Variants in ZNF75A observed in about 807,000 individuals in gnomAD.
ZNF75A encodes zinc finger protein 75A.
Under a neutral mutation model 46.3 loss-of-function variants are expected in ZNF75A, and 36 were observed. The observed-to-expected ratio is 0.78, with a 90% CI of 0.60 to 1.03. The LOEUF (loss-of-function observed/expected upper bound fraction) is 1.03. Among genes scored for constraint, ZNF75A ranks in the 50% least tolerant of loss-of-function variants. The probability of loss-of-function intolerance (pLI) is 0.00; values close to 1 mark genes in which losing one functional copy is unlikely to be tolerated. For synonymous variants in ZNF75A, 234 were observed against 189.9 expected, an observed-to-expected ratio of 1.23 and a Z score of -1.91; for missense variants, 595 against 551.3, an observed-to-expected ratio of 1.08 and a Z score of -0.79.
intron 5 of ZNF75A, among the ~76,000 whole-genome samples, chr16:3,314,011 T>C (rs1961006166): frequency 6.6e-6 from 1 of 152,160 alleles, no homozygotes; most frequent in African/African-American, 2.4e-5. Context: ...ATTGAGTACA[T>C]CTAAGTTTTG....
intron 1 of ZNF75A, chr16:3,307,925 G>A (rs190201498): frequency 1.7e-4 from 26 of 152,254 alleles, no homozygotes; most frequent in Admixed American, 1.2e-3. Flanking sequence ...GGGATGATCT[G>A]TTGAAATTTA....
In ZNF75A at chr16:3,318,427, A is replaced by G. The variant is rs894425169; in HGVS notation, c.*558A>G. The G allele has an allele frequency of 1.2e-5, 12 of 986,358 alleles. No individual in the cohort carries two copies. The highest frequency in any genetic ancestry group is 1.4e-5 in the Non-Finnish European group (12 of 830,738). The allele number at this position is 986,358 out of a possible 1,614,324, so 61.1% of individuals were successfully genotyped here. On this transcript the variant is annotated 3_prime_UTR_variant, in exon 7 of 7. Transcript: ENST00000669516. ...TAGGGAATCTCCAGATGAACTATTA[A>G]TGCACTGTCTTATGCCTCTCATTGG...
intron 1 of ZNF75A, chr16:3,306,356 A>G (rs894861474): frequency 6.6e-6 from 1 of 152,220 alleles, no homozygotes; most frequent in Admixed American, 6.5e-5. Flanking sequence ...ATCCTTTTTT[A>G]CAAGTTGATA....
Position 3,318,492 on chromosome 16 carries a change from G to T in ZNF75A, c.*623G>T. On this transcript the variant is annotated 3_prime_UTR_variant, in exon 7 of 7. Transcript: ENST00000669516. The stretch of plus-strand genomic sequence containing the variant: ...TAGAAGACATCTCTAATGGAATCAT[G>T]GGGGAAACGGGTTGGAATTTGTAGC... 2 of 985,354 alleles carry T rather than the reference G, an allele frequency of 2.0e-6. No individual in the cohort carries two copies. Among genetic ancestry groups the T allele is most frequent in the South Asian group, 4.7e-5 (1 of 21,284 alleles). 61.0% of individuals were successfully genotyped at this position (985,354 alleles called of 1,614,324 possible).
At chr16:3,311,686 C>G in intron 2 of ZNF75A, 67 bp from the exon 3 acceptor site, 4 of 886,560 alleles carry the variant, frequency 4.5e-6, no homozygotes, top group Non-Finnish European at 5.5e-6. Context: ...GTACACCTGT[C>G]GCTCTGCCTC....
chr16:3,313,905 A>G (rs1960999941), intron 5 of ZNF75A, among the ~76,000 whole-genome samples: 1 of 152,146 alleles, frequency 6.6e-6, no homozygotes, highest in South Asian at 2.1e-4. Context: ...CCACTTAGCT[A>G]GTCTCCTTGC....
At chr16:3,308,223 T>G (rs980770259) in intron 1 of ZNF75A, 90 bp from the exon 2 acceptor site, 4 of 168,642 alleles carry the variant, frequency 2.4e-5, no homozygotes, top group South Asian at 3.9e-4. Flanking sequence ...ACAGGACACC[T>G]TTTCTGTTCT....
At chr16:3,310,403 A>T (rs1381129044) in intron 2 of ZNF75A, among the ~76,000 whole-genome samples, 1 of 151,556 alleles carries the variant, frequency 6.6e-6, no homozygotes, top group Non-Finnish European at 1.5e-5. Context: ...GAAAAAAAAA[A>T]TGTTTTTAAA....
downstream of ZNF75A, among the ~76,000 whole-genome samples, chr16:3,320,729 C>T (rs921501518): frequency 6.6e-6 from 1 of 152,180 alleles, no homozygotes; most frequent in Non-Finnish European, 1.5e-5. Context: ...TAGGGATTGC[C>T]TTCCTCATAT....
chr16:3,320,356 C>G (rs78745223), downstream of ZNF75A, among the ~76,000 whole-genome samples: 10,713 of 152,268 alleles, frequency 0.07, 517 homozygotes, highest in Non-Finnish European at 0.11. Context: ...CCTGGCCTAT[C>G]TTAATAGAGC....
At chr16:3,319,410 C>T (rs578121516), downstream of ZNF75A, among the ~76,000 whole-genome samples, 3 of 152,290 alleles carry the variant, frequency 2.0e-5, no homozygotes, top group East Asian at 3.9e-4. Flanking sequence ...CCACTGTGCC[C>T]AGCCTATACT....
At chr16:3,316,775 A>G (rs1961239405) in intron 5 of ZNF75A, 137 bp from the exon 6 acceptor site, 1 of 618,564 alleles carries the variant, frequency 1.6e-6, no homozygotes, top group South Asian at 2.0e-5. Context: ...GTGATACTTA[A>G]TCTTGGAGTC....
Position 3,317,459 on chromosome 16 carries a change from T to C in ZNF75A, c.1204T>C (p.Phe402Leu). Residue 402 changes from phenylalanine to leucine, a missense_variant, in exon 7 of 7, where the codon TTT becomes CTT. Coordinates refer to ENST00000669516, the MANE Select transcript of ZNF75A (RefSeq NM_001302109.2). ...GAAAGATTGTGCAAGAGAGAAGCCT[T>C]TTAAATGTCAGGAATGTGGGAAAAC... Reference protein sequence around the residue: ...HKKDCAREKPFKCQECGKTFR... With the variant: ...HKKDCAREKPLKCQECGKTFR... The C allele has an allele frequency of 1.2e-6, 2 of 1,614,084 alleles. No individual in the cohort carries two copies. The highest frequency in any genetic ancestry group is 1.7e-6 in the Non-Finnish European group (2 of 1,179,992).
At chr16:3,319,669 C>T, downstream of ZNF75A, among the ~76,000 whole-genome samples, 1 of 152,126 alleles carries the variant, frequency 6.6e-6, no homozygotes, top group Non-Finnish European at 1.5e-5. Flanking sequence ...AACTTGTATT[C>T]CAGTGAACAG....
chr16:3,319,790 T>TTA (rs1961456644), downstream of ZNF75A, among the ~76,000 whole-genome samples: 5 of 115,314 alleles, frequency 4.3e-5, 1 homozygote, highest in South Asian at 2.2e-3. Context: ...TTCATTTTTT[T>TTA]TTTTTTATTT....
downstream of ZNF75A, among the ~76,000 whole-genome samples, chr16:3,320,598 G>A (rs934006127): frequency 3.3e-5 from 5 of 152,240 alleles, no homozygotes; most frequent in Admixed American, 6.5e-5. Context: ...AGGGGACAAG[G>A]CAACCCTCCT....
chr16:3,318,375 C>T lies in ZNF75A; in HGVS notation c.*506C>T. On this transcript the variant is annotated 3_prime_UTR_variant, in exon 7 of 7. Coordinates refer to ENST00000669516, the MANE Select transcript of ZNF75A (RefSeq NM_001302109.2). ...TGGATCCTGTTATCACAGTTTTTTA[C>T]TGTGATGAAATCTTGTTAACCACCA... 1 of 987,374 alleles carries T rather than the reference C, an allele frequency of 1.0e-6. No homozygotes were observed. The highest frequency in any genetic ancestry group is 1.2e-6 in the Non-Finnish European group (1 of 831,366). 61.2% of individuals were successfully genotyped at this position (987,374 alleles called of 1,614,324 possible).
downstream of ZNF75A, chr16:3,323,176 G>T: frequency 1.6e-6 from 1 of 621,708 alleles, no homozygotes; most frequent in Non-Finnish European, 2.8e-6. Flanking sequence ...CTGCAGTTTG[G>T]CACCTGGGTC....
At chr16:3,319,258 C>A (rs182643442), downstream of ZNF75A, among the ~76,000 whole-genome samples, 1 of 152,204 alleles carries the variant, frequency 6.6e-6, no homozygotes, top group African/African-American at 2.4e-5. Flanking sequence ...GGATTACAGG[C>A]ACCCACCACC....
Sources: gnomAD v4.1 joint callset for allele counts (sites outside exome capture counted in the v4.1 genomes callset) on GRCh38, gnomAD v4.1.1 for gene constraint, MANE v1.5 for transcripts, NCBI Gene and HGNC (gene_info 2026-07-23, HGNC 2026-07-21) for gene names.